Variants in S100A1 observed in about 807,000 individuals in gnomAD.
S100A1 encodes the protein S100 calcium binding protein A1.
In S100A1, 3 loss-of-function variants were observed where a neutral mutation model predicts 7.6. That is an observed-to-expected ratio of 0.40 (90% CI 0.18 to 1.02). The LOEUF (loss-of-function observed/expected upper bound fraction) is 1.02, where lower values mean the gene tolerates loss of function less well. Ranked by LOEUF, S100A1 falls within the 50% of genes least tolerant of loss-of-function variation. The pLI is 0.35. For synonymous variants in S100A1, 49 were observed against 49.0 expected, an observed-to-expected ratio of 1.00 and a Z score of 0.00; for missense variants, 126 against 115.0, an observed-to-expected ratio of 1.10 and a Z score of -0.44.
At chr1:153,629,872 G>C (rs977087777) in intron 1 of S100A1, 2 of 152,732 alleles carry the variant, frequency 1.3e-5, no homozygotes, top group African/African-American at 4.8e-5. Flanking sequence ...GACATGTTCA[G>C]GAGAGAACAG....
chr1:153,628,914 T>C (rs1424915379), intron 1 of S100A1: 2 of 177,282 alleles, frequency 1.1e-5, no homozygotes, highest in Non-Finnish European at 2.4e-5. Flanking sequence ...CCACCTCTCC[T>C]GCCAGCCTTA....
Position 153,628,447 on chromosome 1 carries a change from A to T in S100A1, c.-63A>T. ...CACAGCTCCAGCAGCCACATTTGCAACCTTGGCCATCTGTCCAGAACCTGC... is the reference window on the plus strand; with the variant it reads ...CACAGCTCCAGCAGCCACATTTGCATCCTTGGCCATCTGTCCAGAACCTGC... On this transcript the variant is annotated 5_prime_UTR_variant, in exon 1 of 3. Transcript: ENST00000292169. 3 of 1,550,672 alleles carry T rather than the reference A, an allele frequency of 1.9e-6. No individual in the cohort carries two copies. Among genetic ancestry groups the T allele is most frequent in the Non-Finnish European group, 2.6e-6 (3 of 1,146,976 alleles).
rs765480396 is a variant in S100A1, at chr1:153,630,494, G to A, written c.-13-15G>A. The A allele has an allele frequency of 9.3e-6, 15 of 1,612,806 alleles. 1 individual carries two copies. The Admixed American group carries it at 2.0e-4, about 22-fold the overall frequency. On this transcript the variant is annotated splice_polypyrimidine_tract_variant and intron_variant, in intron 1 of 2. Transcript: ENST00000292169. ...GGCCTGGTCCTCAGCTCACTTCCAT[G>A]ATGGGGGTGGGTAGGTGCACTGCTG... is the stretch of plus-strand genomic sequence containing the variant.
chr1:153,629,809 G>A (rs1053635383), intron 1 of S100A1: 1 of 152,338 alleles, frequency 6.6e-6, no homozygotes, highest in African/African-American at 2.4e-5. Flanking sequence ...CCCACCAGAT[G>A]GAAGGGATAA....
intron 2 of S100A1, chr1:153,631,236 T>G: frequency 1.9e-6 from 1 of 537,668 alleles, no homozygotes; most frequent in South Asian, 2.4e-5. Context: ...TAAAGAAGCC[T>G]CAGGATACGG....
In S100A1 at chr1:153,631,746, G is replaced by A. The variant is rs747362553; in HGVS notation, c.190G>A (p.Glu64Lys). The A allele has an allele frequency of 9.3e-6, 15 of 1,614,112 alleles. No homozygotes were observed. Among genetic ancestry groups the A allele is most frequent in the South Asian group, 2.2e-5 (2 of 91,092 alleles). ...GGACAAGGTGATGAAGGAGCTAGAC[G>A]AGAATGGAGACGGGGAGGTGGACTT... ...AVDKVMKELDENGDGEVDFQE... is the reference protein window; with the variant it reads ...AVDKVMKELDKNGDGEVDFQE... Residue 64 changes from glutamate (E) to lysine (K), a missense_variant, in exon 3 of 3, where the codon GAG (glutamate) becomes AAG (lysine). Glu to Lys is a moderately conservative substitution (Grantham distance 56). Coordinates refer to ENST00000292169, the MANE Select transcript of S100A1 (RefSeq NM_006271.2).
At chr1:153,630,735 TC>T in intron 2 of S100A1, 73 bp downstream of exon 2, 4 of 1,559,798 alleles carry the variant, frequency 2.6e-6, no homozygotes, top group African/African-American at 1.3e-5. Flanking sequence ...CCCCTTGCTA[TC>T]TCCCCACCCC....
intron 2 of S100A1, 97 bp from the exon 3 acceptor site, chr1:153,631,601 C>T: frequency 6.2e-7 from 1 of 1,613,814 alleles, no homozygotes; most frequent in South Asian, 1.1e-5. Flanking sequence ...GTTCCTCTCG[C>T]TCATCTTTGC....
At position 153,628,446 on chromosome 1, in the gene S100A1, A is replaced by T. The variant is rs2101621413; in HGVS notation, c.-64A>T. The T allele has an allele frequency of 6.4e-7, 1 of 1,550,728 alleles. No individual in the cohort carries two copies. Among genetic ancestry groups the T allele is most frequent in the East Asian group, 2.4e-5 (1 of 40,910 alleles). ...ACACAGCTCCAGCAGCCACATTTGC[A>T]ACCTTGGCCATCTGTCCAGAACCTG... On this transcript the variant is annotated 5_prime_UTR_variant, in exon 1 of 3. Coordinates refer to ENST00000292169, the MANE Select transcript of S100A1 (RefSeq NM_006271.2).
At chr1:153,631,298 C>A in intron 2 of S100A1, 1 of 685,126 alleles carries the variant, frequency 1.5e-6, no homozygotes, top group Non-Finnish European at 2.4e-6. Context: ...AAATTCCAGC[C>A]CTGCTACTTT....
Position 153,628,489 on chromosome 1 carries a change from G to A in S100A1, c.-21G>A. ...AGAACCTGCTCCCACCTCAGGCCCA[G>A]GCCAACCGTGAGTACCCTGCCCCAC... On this transcript the variant is annotated 5_prime_UTR_variant, in exon 1 of 3. Coordinates refer to ENST00000292169, the MANE Select transcript of S100A1 (RefSeq NM_006271.2). The A allele has an allele frequency of 6.4e-7, 1 of 1,550,746 alleles. No individual in the cohort carries two copies. Among genetic ancestry groups the A allele is most frequent in the Non-Finnish European group, 8.7e-7 (1 of 1,146,982 alleles).
At chr1:153,631,587 T>A (rs1447861022) in intron 2 of S100A1, 111 bp from the exon 3 acceptor site, 1 of 1,613,744 alleles carries the variant, frequency 6.2e-7, no homozygotes, top group African/African-American at 1.3e-5. Flanking sequence ...CATAATTCAA[T>A]GCAGTTCCTC....
chr1:153,628,633 G>A, intron 1 of S100A1, 137 bp downstream of exon 1: 1 of 1,397,640 alleles, frequency 7.2e-7, no homozygotes. Context: ...CAGGGTGAGG[G>A]CAGTTTGGGA....
At position 153,630,536 on chromosome 1, in the gene S100A1, G is replaced by A. The variant is rs535234507; in HGVS notation, c.15G>A (p.Leu5=). Residue 5 remains leucine, a synonymous_variant, in exon 2 of 3, where the codon CTG becomes CTA. Transcript: ENST00000292169. ...GCACTGCTGCAATGGGCTCTGAGCT[G>A]GAGACGGCGATGGAGACCCTCATCA... The part of the protein sequence containing the change: MGSE[L]ETAMETLINV... The A allele has an allele frequency of 3.1e-6, 5 of 1,614,222 alleles. No individual in the cohort carries two copies. In the African/African-American group the frequency reaches 5.3e-5, roughly 17 times the overall value.
chr1:153,628,453 G>A lies in S100A1; in HGVS notation c.-57G>A. The A allele has an allele frequency of 6.4e-7, 1 of 1,550,724 alleles. No individual in the cohort carries two copies. The highest frequency in any genetic ancestry group is 8.7e-7 in the Non-Finnish European group (1 of 1,146,992). ...TCCAGCAGCCACATTTGCAACCTTG[G>A]CCATCTGTCCAGAACCTGCTCCCAC... On this transcript the variant is annotated 5_prime_UTR_variant, in exon 1 of 3. Transcript: ENST00000292169.
chr1:153,628,442 T>C lies in S100A1; in HGVS notation c.-68T>C, dbSNP rs1216422632. ...CCACACACAGCTCCAGCAGCCACAT[T>C]TGCAACCTTGGCCATCTGTCCAGAA... is the stretch of plus-strand genomic sequence containing the variant. On this transcript the variant is annotated 5_prime_UTR_variant, in exon 1 of 3. Transcript: ENST00000292169. 3 of 1,550,502 alleles carry C rather than the reference T, an allele frequency of 1.9e-6. No individual in the cohort carries two copies. Among genetic ancestry groups the C allele is most frequent in the Non-Finnish European group, 2.6e-6 (3 of 1,146,980 alleles).
intron 1 of S100A1, chr1:153,629,430 G>A (rs1370881287): frequency 6.6e-6 from 1 of 152,244 alleles, no homozygotes; most frequent in Non-Finnish European, 1.5e-5. Context: ...CAGCCCCCTA[G>A]GCCTGGGGAA....
chr1:153,628,502 T>C lies in S100A1; in HGVS notation c.-14+6T>C. On this transcript the variant is annotated splice_donor_region_variant and intron_variant, in intron 1 of 2. Coordinates refer to ENST00000292169, the MANE Select transcript of S100A1 (RefSeq NM_006271.2). ...ACCTCAGGCCCAGGCCAACCGTGAG[T>C]ACCCTGCCCCACTGGGCTAGTCCCT... The C allele has an allele frequency of 6.4e-7, 1 of 1,550,618 alleles. No homozygotes were observed. Among genetic ancestry groups the C allele is most frequent in the Non-Finnish European group, 8.7e-7 (1 of 1,146,914 alleles).
chr1:153,630,434 T>C (rs976823568), intron 1 of S100A1, 75 bp from the exon 2 acceptor site: 110 of 1,558,292 alleles, frequency 7.1e-5, no homozygotes, highest in Non-Finnish European at 7.7e-5. Context: ...GGGCCAGTCC[T>C]GAGGGTTCCC....
Sources: allele counts gnomAD v4.1 joint callset, GRCh38; gene constraint gnomAD v4.1.1; transcripts MANE v1.5; gene names NCBI Gene and HGNC (gene_info 2026-07-23, HGNC 2026-07-21).